CATSPERB: variants seen among roughly 807,000 people sequenced by gnomAD.
The protein encoded by CATSPERB is catsper channel auxiliary subunit beta, also known as cation channel sperm-associated auxiliary subunit beta.
Under a neutral mutation model 128.3 loss-of-function variants are expected in CATSPERB, and 93 were observed. That is an observed-to-expected ratio of 0.72 (90% CI 0.61 to 0.86). CATSPERB has a LOEUF of 0.86. Ranked by LOEUF, CATSPERB falls within the 40% of genes least tolerant of loss-of-function variation. The pLI, the probability that CATSPERB is intolerant of heterozygous loss-of-function variation, is 0.00. For missense variants in CATSPERB, 1,153 were observed against 1,329.5 expected, an observed-to-expected ratio of 0.87 and a Z score of 2.06; for synonymous variants, 381 against 448.8, an observed-to-expected ratio of 0.85 and a Z score of 1.91.
chr14:91,625,593 A>C (rs1374365460), intron 17 of CATSPERB, among the ~76,000 whole-genome samples: 1 of 151,948 alleles, frequency 6.6e-6, no homozygotes, highest in Non-Finnish European at 1.5e-5. Context: ...ATAATGTCCA[A>C]ATGAAGAAAG....
intron 15 of CATSPERB, among the ~76,000 whole-genome samples, chr14:91,650,868 T>A (rs1000514312): frequency 7.9e-5 from 12 of 152,134 alleles, no homozygotes; most frequent in Admixed American, 7.9e-4. Flanking sequence ...TTTCTCCACT[T>A]ATTTGTTCAT....
At chr14:91,598,775 G>A (rs547030977) in intron 22 of CATSPERB, among the ~76,000 whole-genome samples, 15 of 149,578 alleles carry the variant, frequency 1.0e-4, no homozygotes, top group African/African-American at 1.5e-4. Context: ...GGGGAATGGC[G>A]TGAACCTGGG....
chr14:91,671,584 C>G (rs1182867765), intron 13 of CATSPERB, among the ~76,000 whole-genome samples: 1 of 147,222 alleles, frequency 6.8e-6, no homozygotes, highest in Non-Finnish European at 1.5e-5. Flanking sequence ...GAGCGAGACC[C>G]CATCTCAAAA....
chr14:91,587,396 C>T (rs576854425), intron 25 of CATSPERB, 120 bp from the exon 26 acceptor site: 1 of 562,512 alleles, frequency 1.8e-6, no homozygotes, highest in African/African-American at 2.0e-5. Flanking sequence ...GATTCCCATC[C>T]TCTTCCTAAG....
At chr14:91,640,184 A>T (rs941021839) in intron 15 of CATSPERB, among the ~76,000 whole-genome samples, 1 of 151,730 alleles carries the variant, frequency 6.6e-6, no homozygotes, top group African/African-American at 2.4e-5. Context: ...CCTCACCTTC[A>T]TTAATGGCAG....
Position 91,580,811 on chromosome 14 carries a change from A to G in CATSPERB, c.*78T>C. The stretch of plus-strand genomic sequence containing the variant: ...CTTTAGGATTTTATGTAGCTTGCAT[A>G]TTTAACATTTAAATATATTGTTCTA... On this transcript the variant is annotated 3_prime_UTR_variant, in exon 27 of 27. Coordinates refer to ENST00000256343, the MANE Select transcript of CATSPERB (RefSeq NM_024764.4). 9.1e-7 allele frequency: 1 copy of G among 1,102,658 alleles called. No homozygotes were observed. The highest frequency in any genetic ancestry group is 1.3e-6 in the Non-Finnish European group (1 of 751,184). 68.3% of individuals were successfully genotyped at this position (1,102,658 alleles called of 1,614,324 possible).
chr14:91,663,099 C>G (rs1894913254), intron 14 of CATSPERB, among the ~76,000 whole-genome samples: 2 of 152,046 alleles, frequency 1.3e-5, no homozygotes, highest in South Asian at 4.2e-4. Flanking sequence ...TTCTCCTCTT[C>G]TGCTTCCCCC....
intron 7 of CATSPERB, among the ~76,000 whole-genome samples, chr14:91,699,361 C>A (rs1042669616): frequency 8.6e-5 from 13 of 151,760 alleles, no homozygotes; most frequent in Middle Eastern, 3.2e-3. Context: ...TCCATACTGC[C>A]CAAAACTATC....
rs377643733 is a variant in CATSPERB at position 91,591,996 on chromosome 14, C to T, written c.2716G>A (p.Gly906Ser). 9.6e-5 allele frequency: 155 copies of T among 1,608,928 alleles called. No homozygotes were observed. The highest frequency in any genetic ancestry group is 1.5e-4 in the South Asian group (14 of 90,846). The change falls in exon 23 of 27, where the codon GGT (glycine) becomes AGT (serine). Residue 906 changes from glycine (G) to serine (S), a missense_variant. Physicochemically the swap from Gly to Ser is moderately conservative, Grantham distance 56. Transcript: ENST00000256343. ...ACATTAGCACACTGTTTGAATTTAC[C>T]GGTTTTCTGCAAATAGAAGTAACAG... is the stretch of plus-strand genomic sequence containing the variant. ...RNMFHMSKKT[G>S]KFKQCANVST...
chr14:91,604,590 C>T, intron 22 of CATSPERB: 1 of 1,610,626 alleles, frequency 6.2e-7, no homozygotes, highest in Non-Finnish European at 8.5e-7. Flanking sequence ...GATTCCTCTC[C>T]ATAGTTATAG....
At chr14:91,697,514 A>T (rs1248582848) in intron 7 of CATSPERB, among the ~76,000 whole-genome samples, 1 of 152,140 alleles carries the variant, frequency 6.6e-6, no homozygotes, top group African/African-American at 2.4e-5. Flanking sequence ...TCAAGAGTTT[A>T]ATCATTTACA....
At chr14:91,711,055 T>C (rs1895831944) in intron 5 of CATSPERB, among the ~76,000 whole-genome samples, 1 of 152,182 alleles carries the variant, frequency 6.6e-6, no homozygotes, top group African/African-American at 2.4e-5. Context: ...GCTCAGCGTA[T>C]GTGAAACTTA....
At chr14:91,670,766 G>A (rs1895075788) in intron 13 of CATSPERB, among the ~76,000 whole-genome samples, 1 of 152,078 alleles carries the variant, frequency 6.6e-6, no homozygotes, top group Admixed American at 6.5e-5. Context: ...CACTTTGGGG[G>A]GCCGAACTGG....
At position 91,704,697 on chromosome 14, in the gene CATSPERB, C is replaced by T. The variant is rs149744213; in HGVS notation, c.471G>A (p.Pro157=). Reference sequence around the variant, plus strand: ...CATCCCCAGGAGTCCACTGAAGAATCGGTTCTGTGGAAATCAAATTTGGGT... The same window carrying T: ...CATCCCCAGGAGTCCACTGAAGAATTGGTTCTGTGGAAATCAAATTTGGGT... ...EGTLLDVIRE[P]ILQWTPGDVI... Residue 157 remains proline, a synonymous_variant, in exon 7 of 27, where the codon CCG becomes CCA. Coordinates refer to ENST00000256343, the MANE Select transcript of CATSPERB (RefSeq NM_024764.4). The T allele has an allele frequency of 6.7e-5, 108 of 1,612,432 alleles. No individual in the cohort carries two copies. In the African/African-American group the frequency reaches 8.0e-4, roughly 12 times the overall value.
intron 11 of CATSPERB, among the ~76,000 whole-genome samples, chr14:91,678,809 A>G (rs1391185282): frequency 6.6e-6 from 1 of 152,020 alleles, no homozygotes; most frequent in Non-Finnish European, 1.5e-5. Flanking sequence ...TGTTTGTATG[A>G]TTTTTTTTGA....
chr14:91,636,334 G>T, intron 17 of CATSPERB, 91 bp downstream of exon 17: 2 of 1,204,158 alleles, frequency 1.7e-6, no homozygotes, highest in Non-Finnish European at 2.4e-6. Flanking sequence ...CTGCACTCCA[G>T]CCTGGATGAC....
At chr14:91,626,359 C>CTTT (rs71120179) in intron 17 of CATSPERB, among the ~76,000 whole-genome samples, 1,019 of 76,798 alleles carry the variant, frequency 0.013, 51 homozygotes, top group East Asian at 0.031. Flanking sequence ...AGAGGTGGGA[C>CTTT]TTTTTTTTTT....
chr14:91,637,838 T>C (rs903382831), intron 16 of CATSPERB, among the ~76,000 whole-genome samples: 1 of 152,160 alleles, frequency 6.6e-6, no homozygotes, highest in Non-Finnish European at 1.5e-5. Flanking sequence ...ATAAGGGAAC[T>C]AAGAAACTTT....
chr14:91,620,091 G>A (rs1047568677), intron 19 of CATSPERB, among the ~76,000 whole-genome samples: 1 of 151,924 alleles, frequency 6.6e-6, no homozygotes, highest in Non-Finnish European at 1.5e-5. Context: ...ATTTCTCAGC[G>A]TGGAATTCTG....
Sources: allele counts gnomAD v4.1 joint callset (sites outside exome capture counted in the v4.1 genomes callset), GRCh38; gene constraint gnomAD v4.1.1; transcripts MANE v1.5; gene names NCBI Gene and HGNC (gene_info 2026-07-23, HGNC 2026-07-21).